The following BDNF variants were observed in gnomAD, a reference collection of about 807,000 sequenced individuals.
The protein encoded by BDNF is brain derived neurotrophic factor, also known as neurotrophic factor BDNF precursor form.
BDNF carries 1 observed loss-of-function variant against 19.5 expected under a neutral mutation model. The observed-to-expected ratio is 0.05, with a 90% CI of 0.02 to 0.24. The LOEUF (loss-of-function observed/expected upper bound fraction) is 0.24. Among genes scored for constraint, BDNF ranks in the 10% least tolerant of loss-of-function variants. The pLI is 1.00. For synonymous variants in BDNF, 100 were observed against 121.6 expected (o/e 0.82, Z 1.17); for missense variants, 195 against 317.6 (o/e 0.61, Z 2.93).
At position 27,657,726 on chromosome 11, in the gene BDNF, ATTT is replaced by A. The variant is rs1284985893; in HGVS notation, c.*92_*94del. 5 of 1,556,982 alleles carry A rather than the reference ATTT, an allele frequency of 3.2e-6. No homozygotes were observed. Among genetic ancestry groups the A allele is most frequent in the Non-Finnish European group, 4.3e-6 (5 of 1,158,542 alleles). ...ATTTATACATGCAGTTCATAAAATT[ATTT>A]TTTTCTTAACTGAATAATTTACCCT... On this transcript the variant is annotated 3_prime_UTR_variant, in exon 2 of 2. Coordinates refer to ENST00000356660, the MANE Select transcript of BDNF (RefSeq NM_001709.5). The surrounding 1 kb of genome is among the most constrained non-coding windows in gnomAD (Gnocchi z 5.0).
rs764682114 is a variant in BDNF, at chr11:27,674,327, T to G, written c.-21-15742A>C. On this transcript the variant is annotated intron_variant, in intron 1 of 1. Coordinates refer to ENST00000356660, the MANE Select transcript of BDNF (RefSeq NM_001709.5). ...TATTTTTGCATCCCACTCTATAATT[T>G]CTTTTAATTACTTAACTGTAAAGCA... 11 of 1,545,398 alleles carry G rather than the reference T, an allele frequency of 7.1e-6. No individual in the cohort carries two copies. The South Asian group carries it at 1.2e-4, about 17-fold the overall frequency.
At chr11:27,673,550 G>A (rs1481013663) in intron 1 of BDNF, among the ~76,000 whole-genome samples, 1 of 152,160 alleles carries the variant, frequency 6.6e-6, no homozygotes, top group East Asian at 1.9e-4. Context: ...AATGCTATGG[G>A]AATTCTGGCA....
intron 1 of BDNF, among the ~76,000 whole-genome samples, chr11:27,707,793 C>G (rs754450161): frequency 1.1e-4 from 16 of 152,096 alleles, no homozygotes; most frequent in Non-Finnish European, 2.2e-4. Flanking sequence ...TGTATGTACT[C>G]TGGGAAATTA....
At chr11:27,665,725 T>C (rs990650022) in intron 1 of BDNF, among the ~76,000 whole-genome samples, 13 of 151,856 alleles carry the variant, frequency 8.6e-5, no homozygotes, top group African/African-American at 3.1e-4. Flanking sequence ...GGGGGAGGGG[T>C]GTCCACCATT....
intron 1 of BDNF, among the ~76,000 whole-genome samples, chr11:27,660,790 A>C (rs1473830600): frequency 6.6e-6 from 1 of 152,008 alleles, no homozygotes; most frequent in African/African-American, 2.4e-5. Context: ...AAAAAAAAGA[A>C]TTAATGAACT....
chr11:27,703,409 G>A (rs1453914105), upstream of BDNF, among the ~76,000 whole-genome samples: 3 of 152,154 alleles, frequency 2.0e-5, no homozygotes, highest in Admixed American at 2.0e-4. Context: ...CTACCCTCAG[G>A]TTTTTAAGCT....
intron 1 of BDNF, among the ~76,000 whole-genome samples, chr11:27,670,529 C>T (rs1047807504): frequency 6.6e-6 from 1 of 152,148 alleles, no homozygotes; most frequent in African/African-American, 2.4e-5. Context: ...GGGCTAATAT[C>T]CAGAATCTAA....
intron 1 of BDNF, among the ~76,000 whole-genome samples, chr11:27,708,457 T>A (rs899615401): frequency 6.6e-6 from 1 of 152,226 alleles, no homozygotes; most frequent in African/African-American, 2.4e-5. Context: ...TGTACAAGTT[T>A]GACATATTCT....
At chr11:27,671,373 CAT>C (rs1051351793) in intron 1 of BDNF, among the ~76,000 whole-genome samples, 9 of 151,152 alleles carry the variant, frequency 6.0e-5, no homozygotes, top group African/African-American at 1.5e-4. Context: ...ATGGTGAAAT[CAT>C]GTGGGAAAAA....
intron 1 of BDNF, among the ~76,000 whole-genome samples, chr11:27,679,563 A>G (rs1001072595): frequency 2.0e-5 from 3 of 152,138 alleles, no homozygotes; most frequent in African/African-American, 4.8e-5. Flanking sequence ...ACTGTCACTG[A>G]TTTGCAAGTA....
intron 1 of BDNF, among the ~76,000 whole-genome samples, chr11:27,705,874 T>A (rs1860087801): frequency 6.6e-6 from 1 of 152,232 alleles, no homozygotes; most frequent in Non-Finnish European, 1.5e-5. Context: ...TATGGGCTGA[T>A]ACAGGCAGAT....
chr11:27,721,333 A>G, intron 1 of BDNF: 1 of 1,527,346 alleles, frequency 6.5e-7, no homozygotes, highest in Admixed American at 1.7e-5. Context: ...GTGAAGTGCT[A>G]GGAAGAGCCG....
chr11:27,659,627 CTCTGTGTGTG>C (rs1853084571), intron 1 of BDNF: 8 of 917,170 alleles, frequency 8.7e-6, no homozygotes, highest in Non-Finnish European at 9.0e-6. Context: ...GAGATGTTCT[CTCTGTGTGTG>C]TGTGTGTGTG....
intron 1 of BDNF, among the ~76,000 whole-genome samples, chr11:27,681,241 T>C (rs1201012888): frequency 6.6e-6 from 1 of 152,182 alleles, no homozygotes; most frequent in Non-Finnish European, 1.5e-5. Context: ...AACTTGATCA[T>C]CAGGTCCAGG....
In BDNF at chr11:27,656,488, G is replaced by A. The variant is rs1262698662; in HGVS notation, c.*1333C>T. 9.4e-6 allele frequency: 9 copies of A among 962,552 alleles called. No individual in the cohort carries two copies. The highest frequency in any genetic ancestry group is 1.1e-5 in the Non-Finnish European group (9 of 809,032). 59.6% of individuals were successfully genotyped at this position (962,552 alleles called of 1,614,324 possible). ...TCTGAAGGGTCCTTCAGAGGCCTTCGTTTTGGAATGTCTCAAATACCATGC... is the reference window on the plus strand; with the variant it reads ...TCTGAAGGGTCCTTCAGAGGCCTTCATTTTGGAATGTCTCAAATACCATGC... On this transcript the variant is annotated 3_prime_UTR_variant, in exon 2 of 2. Coordinates refer to ENST00000356660, the MANE Select transcript of BDNF (RefSeq NM_001709.5).
chr11:27,663,283 G>T (rs909302574), intron 1 of BDNF, among the ~76,000 whole-genome samples: 3 of 152,184 alleles, frequency 2.0e-5, no homozygotes, highest in African/African-American at 7.2e-5. Flanking sequence ...ATTCATTGAT[G>T]CTGTCTAATT....
intron 1 of BDNF, among the ~76,000 whole-genome samples, chr11:27,661,930 AGCATACACTGCC>A (rs1853510230): frequency 6.6e-6 from 1 of 152,166 alleles, no homozygotes; most frequent in African/African-American, 2.4e-5. Flanking sequence ...TAATTACTCC[AGCATACACTGCC>A]TTCCTTCCCT....
At chr11:27,674,729 T>G (rs1429789552) in intron 1 of BDNF, 2 of 984,344 alleles carry the variant, frequency 2.0e-6, no homozygotes, top group Non-Finnish European at 2.4e-6. Context: ...CCGTTTTCAC[T>G]AAACACTGAT....
chr11:27,716,060 G>T (rs1241928775), intron 1 of BDNF, among the ~76,000 whole-genome samples: 1 of 152,126 alleles, frequency 6.6e-6, no homozygotes, highest in African/African-American at 2.4e-5. Context: ...CAGGGTTAAA[G>T]AATTCATCCT....
Sources: gnomAD v4.1 joint callset for allele counts (sites outside exome capture counted in the v4.1 genomes callset) on GRCh38, gnomAD v4.1.1 for gene constraint, Gnocchi (gnomAD v3.1) non-coding constraint, MANE v1.5 for transcripts, NCBI Gene and HGNC (gene_info 2026-07-23, HGNC 2026-07-21) for gene names.